MT1E: variants seen among roughly 807,000 people sequenced by gnomAD.
MT1E encodes the protein metallothionein-1E.
A neutral mutation model predicts 2.4 loss-of-function variants in MT1E; 1 was observed. That is an observed-to-expected ratio of 0.41 (90% CI 0.15 to 1.97). The LOEUF is 1.97. MT1E is among the 30% of genes most tolerant of loss of function. The pLI is 0.30. For synonymous variants in MT1E, 78 were observed against 63.0 expected, an observed-to-expected ratio of 1.24 and a Z score of -1.13; for missense variants, 145 against 149.6, an observed-to-expected ratio of 0.97 and a Z score of 0.16.
chr16:56,625,838 C>A lies in MT1E; in HGVS notation c.-14C>A, dbSNP rs1181060869. 4 of 1,613,204 alleles carry A rather than the reference C, an allele frequency of 2.5e-6. No individual in the cohort carries two copies. In the East Asian group the frequency reaches 8.9e-5, roughly 36 times the overall value. On this transcript the variant is annotated 5_prime_UTR_variant, in exon 1 of 2. Coordinates refer to ENST00000330439, the MANE Select transcript of MT1E (RefSeq NM_001363555.2). ...GTCTCACTGGTGTGAGCTCCAGCATCCCCTTTGCTCGAAATGGACCCCAAC... is the reference window on the plus strand; with the variant it reads ...GTCTCACTGGTGTGAGCTCCAGCATACCCTTTGCTCGAAATGGACCCCAAC...
Position 56,627,024 on chromosome 16 carries a change from A to T in MT1E, c.*203A>T. 1 of 1,601,918 alleles carries T rather than the reference A, an allele frequency of 6.2e-7. No homozygotes were observed. The highest frequency in any genetic ancestry group is 1.7e-5 in the Admixed American group (1 of 57,778). Reference sequence around the variant, plus strand: ...AAATAGAACAACCTGCACAACCTGGATTTTTTTAAAAATACAACACTGAGC... The same window carrying T: ...AAATAGAACAACCTGCACAACCTGGTTTTTTTTAAAAATACAACACTGAGC... On this transcript the variant is annotated 3_prime_UTR_variant, in exon 2 of 2. Transcript: ENST00000330439.
rs779295378 is a variant in MT1E at position 56,625,896 on chromosome 16, G to T, written c.28+17G>T. On this transcript the variant is annotated intron_variant, in intron 1 of 1. Transcript: ENST00000330439. ...GCGCCACTGGTAAGGGAAGCTCTGC[G>T]CCCTGGAATCCCCATTTCCCAGCCC... 9.3e-6 allele frequency: 15 copies of T among 1,613,880 alleles called. No individual in the cohort carries two copies. In the East Asian group the frequency reaches 1.6e-4, roughly 17 times the overall value.
At position 56,625,824 on chromosome 16, in the gene MT1E, G is replaced by A; in HGVS notation, c.-28G>A. ...CTGACTGCTTGTTCGTCTCACTGGTGTGAGCTCCAGCATCCCCTTTGCTCG... is the reference window on the plus strand; with the variant it reads ...CTGACTGCTTGTTCGTCTCACTGGTATGAGCTCCAGCATCCCCTTTGCTCG... On this transcript the variant is annotated 5_prime_UTR_variant, in exon 1 of 2. It adds an upstream start codon to the 5' untranslated region. Transcript: ENST00000330439. 1 of 1,612,898 alleles carries A rather than the reference G, an allele frequency of 6.2e-7. No homozygotes were observed. Among genetic ancestry groups the A allele is most frequent in the Non-Finnish European group, 8.5e-7 (1 of 1,179,922 alleles).
In MT1E at chr16:56,625,821, G is replaced by T. The variant is rs1960199892; in HGVS notation, c.-31G>T. On this transcript the variant is annotated 5_prime_UTR_variant, in exon 1 of 2. Coordinates refer to ENST00000330439, the MANE Select transcript of MT1E (RefSeq NM_001363555.2). ...TGCCTGACTGCTTGTTCGTCTCACT[G>T]GTGTGAGCTCCAGCATCCCCTTTGC... is the stretch of plus-strand genomic sequence containing the variant. 6.2e-7 allele frequency: 1 copy of T among 1,612,738 alleles called. No individual in the cohort carries two copies. The highest frequency in any genetic ancestry group is 8.5e-7 in the Non-Finnish European group (1 of 1,179,820).
rs756075158 is a variant in MT1E, at chr16:56,626,821, G to A, written c.384G>A (p.Ter128=). The change falls in exon 2 of 2, where the codon TAG becomes TAA. Residue 128 remains the stop codon, a stop_retained_variant. Coordinates refer to ENST00000330439, the MANE Select transcript of MT1E (RefSeq NM_001363555.2). ...TGAGCTCGAGCCAGGCTTGCTATTA[G>A]GGCAGGGAGGTGCCCGGTCAAGTCT... is the stretch of plus-strand genomic sequence containing the variant. ...WVLSSSQACY[*] 2.5e-6 allele frequency: 4 copies of A among 1,614,148 alleles called. No individual in the cohort carries two copies.
In MT1E at chr16:56,626,774, A is replaced by C. The variant is rs776483600; in HGVS notation, c.337A>C (p.Ser113Arg). 9 of 1,613,586 alleles carry C rather than the reference A, an allele frequency of 5.6e-6. No homozygotes were observed. The highest frequency in any genetic ancestry group is 3.3e-5 in the Admixed American group (2 of 59,990). ...AACAGAGCTGTGCCAGACGAAAAAA[A>C]GCATCCTCTGGGTCTGGGTTCTGAG... ...FRTELCQTKK[S>R]ILWVWVLSSS... is the part of the protein sequence containing the mutation. The change falls in exon 2 of 2, where the codon AGC (serine) becomes CGC (arginine). Residue 113 changes from serine to arginine, a missense_variant. Coordinates refer to ENST00000330439, the MANE Select transcript of MT1E (RefSeq NM_001363555.2).
rs770400610 is a variant in MT1E at position 56,627,009 on chromosome 16, A to C, written c.*188A>C. On this transcript the variant is annotated 3_prime_UTR_variant, in exon 2 of 2. Transcript: ENST00000330439. ...TCTTCTCCCAGATGTAAATAGAACA[A>C]CCTGCACAACCTGGATTTTTTTAAA... 1.2e-6 allele frequency: 2 copies of C among 1,607,028 alleles called. No homozygotes were observed. Among genetic ancestry groups the C allele is most frequent in the South Asian group, 2.2e-5 (2 of 90,274 alleles).
At position 56,625,876 on chromosome 16, in the gene MT1E, A is replaced by T. The variant is rs372138022; in HGVS notation, c.25A>T (p.Thr9Ser). 6.2e-7 allele frequency: 1 copy of T among 1,613,590 alleles called. No homozygotes were observed. Among genetic ancestry groups the T allele is most frequent in the Non-Finnish European group, 8.5e-7 (1 of 1,179,974 alleles). ...AATGGACCCCAACTGCTCTTGCGCC[A>T]CTGGTAAGGGAAGCTCTGCGCCCTG... is the stretch of plus-strand genomic sequence containing the variant. Reference protein sequence around the residue: MDPNCSCATGGSCTCAGSC... With the variant: MDPNCSCASGGSCTCAGSC... Residue 9 changes from threonine to serine, a missense_variant, in exon 1 of 2, where the codon ACT becomes TCT. Coordinates refer to ENST00000330439, the MANE Select transcript of MT1E (RefSeq NM_001363555.2).
At position 56,626,481 on chromosome 16, in the gene MT1E, G is replaced by A; in HGVS notation, c.44G>A (p.Cys15Tyr). The A allele has an allele frequency of 6.2e-7, 1 of 1,614,208 alleles. No individual in the cohort carries two copies. The highest frequency in any genetic ancestry group is 1.1e-5 in the South Asian group (1 of 91,088). The change falls in exon 2 of 2, where the codon TGC becomes TAC. Residue 15 changes from cysteine to tyrosine, a missense_variant. Physicochemically the swap from Cys to Tyr is radical, Grantham distance 194. Coordinates refer to ENST00000330439, the MANE Select transcript of MT1E (RefSeq NM_001363555.2). ...TTCCTTGTAGGTGGCTCCTGCACGT[G>A]CGCCGGCTCCTGCAAGTGCAAAGAG... is the stretch of plus-strand genomic sequence containing the variant. ...CSCATGGSCT[C>Y]AGSCKCKECK...
intron 1 of MT1E, 131 bp downstream of exon 1, chr16:56,626,010 G>T: frequency 9.2e-7 from 1 of 1,082,574 alleles, no homozygotes; most frequent in South Asian, 1.3e-5. Flanking sequence ...CTTTCTTCCT[G>T]ATCACGCCCC....
rs1432132032 is a variant in MT1E at position 56,626,966 on chromosome 16, G to A, written c.*145G>A. 5 of 1,614,232 alleles carry A rather than the reference G, an allele frequency of 3.1e-6. No homozygotes were observed. The East Asian group carries it at 6.7e-5, about 22-fold the overall frequency. ...GGCATCGGAGAAGTGCAGCTGCTGT[G>A]CCTGATGTGGGAACAGCTCTTCTCC... On this transcript the variant is annotated 3_prime_UTR_variant, in exon 2 of 2. Coordinates refer to ENST00000330439, the MANE Select transcript of MT1E (RefSeq NM_001363555.2).
In MT1E at chr16:56,627,064, CT is replaced by C; in HGVS notation, c.*248del. ...CAACACTGAGCCATTTGCTGCATTT[CT>C]TTTTATACTAAATATGTGACTGACA... On this transcript the variant is annotated 3_prime_UTR_variant, in exon 2 of 2. Coordinates refer to ENST00000330439, the MANE Select transcript of MT1E (RefSeq NM_001363555.2). 6.8e-7 allele frequency: 1 copy of C among 1,475,126 alleles called. No homozygotes were observed. Among genetic ancestry groups the C allele is most frequent in the Non-Finnish European group, 9.3e-7 (1 of 1,080,158 alleles). The allele number at this position is 1,475,126 out of a possible 1,614,324, so 91.4% of individuals were successfully genotyped here.
At position 56,625,785 on chromosome 16, in the gene MT1E, T is replaced by C. The variant is rs2144308252; in HGVS notation, c.-67T>C. On this transcript the variant is annotated 5_prime_UTR_variant, in exon 1 of 2. Transcript: ENST00000330439. ...AGCAGCCAGTTGCAGGGCTCCATTCTGCTTTCCAACTGCCTGACTGCTTGT... is the reference window on the plus strand; with the variant it reads ...AGCAGCCAGTTGCAGGGCTCCATTCCGCTTTCCAACTGCCTGACTGCTTGT... 1.3e-6 allele frequency: 2 copies of C among 1,591,480 alleles called. No homozygotes were observed.
rs761138970 is a variant in MT1E at position 56,626,796 on chromosome 16, T to A, written c.359T>A (p.Leu120Gln). The A allele has an allele frequency of 7.4e-6, 12 of 1,613,952 alleles. No individual in the cohort carries two copies. The African/African-American group carries it at 1.3e-4, about 18-fold the overall frequency. The change falls in exon 2 of 2, where the codon CTG becomes CAG. Residue 120 changes from leucine (L) to glutamine (Q), a missense_variant. Coordinates refer to ENST00000330439, the MANE Select transcript of MT1E (RefSeq NM_001363555.2). ...AAAAGCATCCTCTGGGTCTGGGTTC[T>A]GAGCTCGAGCCAGGCTTGCTATTAG... Reference protein sequence around the residue: ...TKKSILWVWVLSSSQACY With the variant: ...TKKSILWVWVQSSSQACY
Position 56,626,446 on chromosome 16 carries a change from C to A in MT1E, c.29-20C>A. On this transcript the variant is annotated intron_variant, in intron 1 of 1. Transcript: ENST00000330439. ...TCTGCATCTCACTCACTGCCCACTGCGTTTTCCTCTTCCTTGTAGGTGGCT... is the reference window on the plus strand; with the variant it reads ...TCTGCATCTCACTCACTGCCCACTGAGTTTTCCTCTTCCTTGTAGGTGGCT... 6.2e-7 allele frequency: 1 copy of A among 1,614,216 alleles called. No individual in the cohort carries two copies. Among genetic ancestry groups the A allele is most frequent in the Non-Finnish European group, 8.5e-7 (1 of 1,180,054 alleles).
Position 56,626,804 on chromosome 16 carries a change from A to G in MT1E, c.367A>G (p.Ser123Gly), listed in dbSNP as rs761428406. The G allele has an allele frequency of 3.1e-5, 50 of 1,614,062 alleles. No individual in the cohort carries two copies. Among genetic ancestry groups the G allele is most frequent in the Middle Eastern group, 1.6e-4 (1 of 6,062 alleles). Residue 123 changes from serine to glycine, a missense_variant, in exon 2 of 2, where the codon AGC becomes GGC. Transcript: ENST00000330439. ...SILWVWVLSS[S>G]QACY ...CCTCTGGGTCTGGGTTCTGAGCTCG[A>G]GCCAGGCTTGCTATTAGGGCAGGGA... is the stretch of plus-strand genomic sequence containing the variant.
chr16:56,625,964 T>A (rs977135918), intron 1 of MT1E, 85 bp downstream of exon 1: 65 of 1,537,902 alleles, frequency 4.2e-5, no homozygotes, highest in Admixed American at 2.0e-4. Context: ...GCATTTTAAG[T>A]TCTGAGCGAC....
At position 56,626,517 on chromosome 16, in the gene MT1E, C is replaced by G. The variant is rs141595717; in HGVS notation, c.80C>G (p.Thr27Ser). The G allele has an allele frequency of 6.2e-7, 1 of 1,614,254 alleles. No homozygotes were observed. Among genetic ancestry groups the G allele is most frequent in the Non-Finnish European group, 8.5e-7 (1 of 1,180,058 alleles). Residue 27 changes from threonine to serine, a missense_variant, in exon 2 of 2, where the codon ACC (threonine) becomes AGC (serine). Physicochemically the swap from Thr to Ser is moderately conservative, Grantham distance 58. Transcript: ENST00000330439. ...TGCAAGTGCAAAGAGTGCAAATGCA[C>G]CTCCTGCAAGAAGAGTGAGTGCGGG... is the stretch of plus-strand genomic sequence containing the variant. ...GSCKCKECKC[T>S]SCKKSECGAI... is the part of the protein sequence containing the mutation.
In MT1E at chr16:56,627,068, T is replaced by G; in HGVS notation, c.*247T>G. The G allele has an allele frequency of 1.4e-6, 2 of 1,461,360 alleles. No homozygotes were observed. The highest frequency in any genetic ancestry group is 1.9e-6 in the Non-Finnish European group (2 of 1,069,754). 90.5% of individuals were successfully genotyped at this position (1,461,360 alleles called of 1,614,324 possible). ...ACTGAGCCATTTGCTGCATTTCTTTTTATACTAAATATGTGACTGACAATA... is the reference window on the plus strand; with the variant it reads ...ACTGAGCCATTTGCTGCATTTCTTTGTATACTAAATATGTGACTGACAATA... On this transcript the variant is annotated 3_prime_UTR_variant, in exon 2 of 2. Transcript: ENST00000330439.
Sources: gnomAD v4.1 joint callset for allele counts on GRCh38, gnomAD v4.1.1 for gene constraint, MANE v1.5 for transcripts, NCBI Gene and HGNC (gene_info 2026-07-23, HGNC 2026-07-21) for gene names.